Variants in CADM1 observed in about 807,000 individuals in gnomAD.
CADM1 encodes the protein TSLC-1.
In CADM1, 15 loss-of-function variants were observed where a neutral mutation model predicts 53.1. The observed-to-expected ratio is 0.28, with a 90% CI of 0.19 to 0.44. The LOEUF is 0.44. CADM1 is among the 20% of genes least tolerant of loss of function. CADM1 has a pLI of 1.00. For missense variants in CADM1, 434 were observed against 611.3 expected (o/e 0.71, Z 3.06); for synonymous variants, 281 against 243.0 (o/e 1.16, Z -1.45).
At chr11:115,199,734 A>G (rs1217131045) in intron 8 of CADM1, among the ~76,000 whole-genome samples, 2 of 152,236 alleles carry the variant, frequency 1.3e-5, no homozygotes, top group African/African-American at 2.4e-5. Flanking sequence ...GCAAAAAGAA[A>G]TGGTGAAACT....
chr11:115,412,071 C>G (rs1008976376), intron 1 of CADM1, among the ~76,000 whole-genome samples: 2 of 152,088 alleles, frequency 1.3e-5, no homozygotes, highest in Non-Finnish European at 2.9e-5. Flanking sequence ...ATTCTCAAAA[C>G]TAAGTTGATG....
intron 1 of CADM1, among the ~76,000 whole-genome samples, chr11:115,335,518 T>C (rs1945246470): frequency 1.3e-5 from 2 of 152,146 alleles, no homozygotes. Flanking sequence ...ATGGTTTTAT[T>C]CTCCTTTGAT....
chr11:115,171,339 G>T lies in CADM1; in HGVS notation c.*5135C>A, dbSNP rs1277943000. On this transcript the variant is annotated 3_prime_UTR_variant, in exon 12 of 12. Transcript: ENST00000331581. Reference sequence around the variant, plus strand: ...GCCACATGGTTTCTTTGAGGTTCTTGATGACAGAATCAAAGGAGCATTTCT... The same window carrying T: ...GCCACATGGTTTCTTTGAGGTTCTTTATGACAGAATCAAAGGAGCATTTCT... 1.3e-5 allele frequency: 2 copies of T among 152,178 alleles called. No individual in the cohort carries two copies. Among genetic ancestry groups the T allele is most frequent in the African/African-American group, 4.8e-5 (2 of 41,420 alleles). 9.4% of individuals were successfully genotyped at this position (152,178 alleles called of 1,614,324 possible).
At chr11:115,501,912 T>C (rs1949735309) in intron 1 of CADM1, among the ~76,000 whole-genome samples, 1 of 152,058 alleles carries the variant, frequency 6.6e-6, no homozygotes, top group South Asian at 2.1e-4. Context: ...GAAATATATA[T>C]ATATGCATTA....
chr11:115,410,298 G>A (rs951114424), intron 1 of CADM1, among the ~76,000 whole-genome samples: 7 of 152,130 alleles, frequency 4.6e-5, no homozygotes, highest in Admixed American at 2.6e-4. Flanking sequence ...CAATTATGTG[G>A]GTAAAGGACA....
chr11:115,229,403 A>G, intron 4 of CADM1, 132 bp from the exon 5 acceptor site: 1 of 815,684 alleles, frequency 1.2e-6, no homozygotes, highest in East Asian at 2.6e-5. Context: ...ACTTGGGATG[A>G]GAGTAACCTG....
intron 8 of CADM1, among the ~76,000 whole-genome samples, chr11:115,202,187 C>CA (rs55812891): frequency 0.97 from 143,411 of 148,176 alleles, 69,425 homozygotes; most frequent in South Asian, 0.98. Flanking sequence ...AACTAAGTAG[C>CA]AAAAAAAAAA....
intron 1 of CADM1, among the ~76,000 whole-genome samples, chr11:115,264,275 C>G (rs1943064526): frequency 6.6e-6 from 1 of 152,170 alleles, no homozygotes; most frequent in Non-Finnish European, 1.5e-5. Context: ...CTTTGTCAGT[C>G]TTGACTTGTT....
At chr11:115,343,851 T>C (rs1182629816) in intron 1 of CADM1, among the ~76,000 whole-genome samples, 1 of 152,100 alleles carries the variant, frequency 6.6e-6, no homozygotes, top group African/African-American at 2.4e-5. Context: ...CGCTTCTGAG[T>C]TATTTTTCTT....
intron 1 of CADM1, among the ~76,000 whole-genome samples, chr11:115,316,125 C>T (rs532429841): frequency 6.6e-6 from 1 of 152,314 alleles, no homozygotes; most frequent in South Asian, 2.1e-4. Flanking sequence ...TTGTCATTTA[C>T]TGGACTAAGA....
chr11:115,185,667 G>A (rs947537124), intron 10 of CADM1, among the ~76,000 whole-genome samples: 4 of 152,296 alleles, frequency 2.6e-5, no homozygotes, highest in South Asian at 4.2e-4. Context: ...ACCAGAAGTC[G>A]TGCTTGAGTC....
intron 1 of CADM1, among the ~76,000 whole-genome samples, chr11:115,287,128 C>T (rs1591673138): frequency 6.6e-6 from 1 of 152,298 alleles, no homozygotes; most frequent in East Asian, 1.9e-4. Context: ...AGCAGGAACA[C>T]ATTGCATTCT....
chr11:115,350,867 G>A (rs768824932), intron 1 of CADM1, among the ~76,000 whole-genome samples: 13 of 149,774 alleles, frequency 8.7e-5, no homozygotes, highest in Admixed American at 1.3e-4. Context: ...GTTTAAAATC[G>A]CTATCATGGA....
At chr11:115,480,399 C>A (rs1333173765) in intron 1 of CADM1, among the ~76,000 whole-genome samples, 1 of 152,170 alleles carries the variant, frequency 6.6e-6, no homozygotes, top group African/African-American at 2.4e-5. Flanking sequence ...CTGGTCTTAG[C>A]CCTGGCCTTG....
intron 1 of CADM1, among the ~76,000 whole-genome samples, chr11:115,269,074 C>T (rs1943224694): frequency 6.6e-6 from 1 of 152,166 alleles, no homozygotes; most frequent in Non-Finnish European, 1.5e-5. Flanking sequence ...AGCTTCTAGA[C>T]TGGACTCCCA....
intron 1 of CADM1, among the ~76,000 whole-genome samples, chr11:115,313,215 T>C (rs959185073): frequency 6.6e-6 from 1 of 152,170 alleles, no homozygotes; most frequent in Non-Finnish European, 1.5e-5. Context: ...ATGACTAGCA[T>C]ACCAGTAGTA....
chr11:115,399,244 A>T (rs1055696389), intron 1 of CADM1: 1 of 152,202 alleles, frequency 6.6e-6, no homozygotes, highest in African/African-American at 2.4e-5. Flanking sequence ...TGAAAGTTGG[A>T]AGCTGGTCCT....
intron 9 of CADM1, among the ~76,000 whole-genome samples, chr11:115,195,717 A>T (rs1010783343): frequency 1.3e-5 from 2 of 152,194 alleles, no homozygotes; most frequent in African/African-American, 4.8e-5. Flanking sequence ...TTGCTTTGTA[A>T]TTTCCACCAC....
At chr11:115,252,768 G>A (rs1942647763) in intron 1 of CADM1, among the ~76,000 whole-genome samples, 1 of 152,054 alleles carries the variant, frequency 6.6e-6, no homozygotes, top group African/African-American at 2.4e-5. Context: ...CAATATTTCA[G>A]ATGCCAAACA....
Sources: allele counts gnomAD v4.1 joint callset (sites outside exome capture counted in the v4.1 genomes callset), GRCh38; gene constraint gnomAD v4.1.1; transcripts MANE v1.5; gene names NCBI Gene and HGNC (gene_info 2026-07-23, HGNC 2026-07-21).